Variants in DDX1 observed in about 807,000 individuals in gnomAD.
DDX1 encodes ATP-dependent RNA helicase DDX1.
A neutral mutation model predicts 108.7 loss-of-function variants in DDX1; 28 were observed. The ratio of observed to expected loss-of-function variants is 0.26; its 90% CI spans 0.19 to 0.35. The LOEUF is 0.35. Ranked by LOEUF, DDX1 falls within the 10% of genes least tolerant of loss-of-function variation. DDX1 has a pLI of 1.00. For synonymous variants in DDX1, 295 were observed against 288.9 expected, an observed-to-expected ratio of 1.02 and a Z score of -0.21; for missense variants, 710 against 884.5, an observed-to-expected ratio of 0.80 and a Z score of 2.50.
intron 19 of DDX1, among the ~76,000 whole-genome samples, chr2:15,624,353 T>C (rs893636198): frequency 2.0e-5 from 3 of 152,186 alleles, no homozygotes; most frequent in African/African-American, 7.2e-5. Flanking sequence ...ATGCTTCTTA[T>C]AACTTCGAGA....
In DDX1 at chr2:15,600,740, C is replaced by CT. The variant is rs1157559293; in HGVS notation, c.307+1050dup. 5.9e-3 allele frequency among the ~76,000 whole-genome samples: 435 copies of CT among 73,552 alleles called. 28 individuals carry two copies. Among genetic ancestry groups the CT allele is most frequent in the Admixed American group, 5.5e-3 (29 of 5,228 alleles). 48.3% of individuals were successfully genotyped at this position (73,552 alleles called of 152,430 possible). ...ATACTTTTTTTCTTATTTGCATTTTCTTTTTTTTTTTTTTTTTTTTTTTTT... is the reference window on the plus strand; with the variant it reads ...ATACTTTTTTTCTTATTTGCATTTTCTTTTTTTTTTTTTTTTTTTTTTTTTT... On this transcript the variant is annotated intron_variant, in intron 6 of 25. Coordinates refer to ENST00000233084, the MANE Select transcript of DDX1 (RefSeq NM_004939.3).
At position 15,627,465 on chromosome 2, in the gene DDX1, G is replaced by C. The variant is rs201784285; in HGVS notation, c.1686+320G>C. 2.6e-4 allele frequency: 54 copies of C among 206,834 alleles called. No homozygotes were observed. In the East Asian group the frequency reaches 5.5e-3, roughly 21 times the overall value. 12.8% of individuals were successfully genotyped at this position (206,834 alleles called of 1,614,324 possible). On this transcript the variant is annotated intron_variant, in intron 20 of 25. Transcript: ENST00000233084. The stretch of plus-strand genomic sequence containing the variant: ...GCCATGTCTATGTGCCTTAAAAACA[G>C]TCTCCAGCAATAGCCATAAGGAACT...
chr2:15,596,814 A>AACTTTGAACAGTAGTTTTT (rs1489612417), intron 4 of DDX1, 51 bp downstream of exon 4: 1 of 1,383,880 alleles, frequency 7.2e-7, no homozygotes, highest in South Asian at 1.2e-5. Context: ...ATTTTAAAAT[A>AACTTTGAACAGTAGTTTTT]ACTTTGAACA....
intron 12 of DDX1, 124 bp from the exon 13 acceptor site, chr2:15,607,051 C>A: frequency 1.1e-6 from 1 of 946,074 alleles, no homozygotes; most frequent in South Asian, 1.8e-5. Flanking sequence ...GTTTGACTGT[C>A]TTCTCTACTT....
chr2:15,619,816 G>A (rs910164690), intron 16 of DDX1, among the ~76,000 whole-genome samples: 16 of 152,228 alleles, frequency 1.1e-4, no homozygotes, highest in East Asian at 7.7e-4. Context: ...TTGCCTGTTC[G>A]AAGGAAAAAT....
chr2:15,625,889 AAC>A (rs1308233491), intron 19 of DDX1, among the ~76,000 whole-genome samples: 1 of 141,660 alleles, frequency 7.1e-6, no homozygotes, highest in Non-Finnish European at 1.5e-5. Flanking sequence ...GTGCTTAAGT[AAC>A]ACATTTTTTT....
chr2:15,617,199 C>A, intron 14 of DDX1, 45 bp from the exon 15 acceptor site: 2 of 989,652 alleles, frequency 2.0e-6, no homozygotes, highest in South Asian at 1.7e-5. Flanking sequence ...CGTAATTATA[C>A]TGTTTCTTTA....
At chr2:15,628,610 A>G in intron 21 of DDX1, 28 bp from the exon 22 acceptor site, 2 of 1,599,918 alleles carry the variant, frequency 1.3e-6, no homozygotes, top group Non-Finnish European at 1.7e-6. Context: ...AACTACTGGC[A>G]ATTGTTAATA....
intron 6 of DDX1, among the ~76,000 whole-genome samples, chr2:15,601,334 C>T (rs758611399): frequency 2.0e-5 from 3 of 152,072 alleles, no homozygotes; most frequent in African/African-American, 7.2e-5. Flanking sequence ...ATTCTGACAC[C>T]GTCTTCATGA....
At position 15,606,215 on chromosome 2, in the gene DDX1, T is replaced by C; in HGVS notation, c.768T>C (p.Val256=). The C allele has an allele frequency of 1.9e-6, 3 of 1,614,164 alleles. No individual in the cohort carries two copies. The highest frequency in any genetic ancestry group is 2.5e-6 in the Non-Finnish European group (3 of 1,179,998). The change falls in exon 12 of 26, where the codon GTT becomes GTC. Residue 256 remains valine, a synonymous_variant. Coordinates refer to ENST00000233084, the MANE Select transcript of DDX1 (RefSeq NM_004939.3). ...AGTTTCCACCAAAAGATGGCTTTGT[T>C]GCTCTTTCCAAGGCACCGGATGGTT... is the stretch of plus-strand genomic sequence containing the variant. The part of the protein sequence containing the change: ...EFKFPPKDGF[V]ALSKAPDGYI...
chr2:15,597,543 G>C (rs1665522078), intron 5 of DDX1, 72 bp downstream of exon 5: 2 of 1,014,140 alleles, frequency 2.0e-6, no homozygotes, highest in Non-Finnish European at 3.0e-6. Flanking sequence ...AGGAAAGTGA[G>C]ATTTGGGTAT....
At chr2:15,593,429 C>T (rs1359253382) in intron 1 of DDX1, among the ~76,000 whole-genome samples, 2 of 152,096 alleles carry the variant, frequency 1.3e-5, no homozygotes. Context: ...TGAAATAAGA[C>T]AAAACTGGAA....
rs755850399 is a variant in DDX1, at chr2:15,595,529, C to T, written c.108C>T (p.Ile36=). The stretch of plus-strand genomic sequence containing the variant: ...TCCAGGCTGAATCTATCCCATTGAT[C>T]TTAGGAGGAGGTGATGTACTTATGG... ...TDIQAESIPL[I]LGGGDVLMAA... is the part of the protein sequence containing the mutation. Residue 36 remains isoleucine (I), a synonymous_variant, in exon 3 of 26, where the codon ATC becomes ATT. Coordinates refer to ENST00000233084, the MANE Select transcript of DDX1 (RefSeq NM_004939.3). 4 of 1,609,866 alleles carry T rather than the reference C, an allele frequency of 2.5e-6. No homozygotes were observed. The highest frequency in any genetic ancestry group is 3.4e-6 in the Non-Finnish European group (4 of 1,176,336).
intron 2 of DDX1, 24 bp from the exon 3 acceptor site, chr2:15,595,466 A>T (rs376126666): frequency 1.0e-5 from 16 of 1,596,444 alleles, no homozygotes; most frequent in African/African-American, 8.0e-5. Flanking sequence ...AGTAACTAAA[A>T]TTCTTCAAAT....
In DDX1 at chr2:15,629,614, G is replaced by A. The variant is rs1225975665; in HGVS notation, c.1888G>A (p.Val630Ile). 6.3e-7 allele frequency: 1 copy of A among 1,594,370 alleles called. No individual in the cohort carries two copies. Among genetic ancestry groups the A allele is most frequent in the Non-Finnish European group, 8.5e-7 (1 of 1,173,654 alleles). Residue 630 changes from valine (V) to isoleucine (I), a missense_variant, in exon 24 of 26, where the codon GTA becomes ATA. By Grantham distance (29) the Val-to-Ile change is conservative (BLOSUM62 3). Around this residue, in one of 3 missense-constraint regions of DDX1, gnomAD observed 661 missense variants for 810.2 expected, o/e 0.82. Coordinates refer to ENST00000233084, the MANE Select transcript of DDX1 (RefSeq NM_004939.3). ...ATEKEKVWYH[V>I]CSSRGKGCYN... ...TTTTTAAATTTAGGTTTGGTACCAT[G>A]TATGTAGCAGCCGTGGAAAAGGGTG...
Position 15,631,046 on chromosome 2 carries a change from GTCTTAGGAAT to G in DDX1, c.*145_*154del, listed in dbSNP as rs1358963683. 3 of 711,040 alleles carry G rather than the reference GTCTTAGGAAT, an allele frequency of 4.2e-6. No homozygotes were observed. Among genetic ancestry groups the G allele is most frequent in the Non-Finnish European group, 2.1e-6 (1 of 478,380 alleles). The allele number at this position is 711,040 out of a possible 1,614,324, so 44.0% of individuals were successfully genotyped here. ...AACTCTTGCATGTCAAGAAACATTA[GTCTTAGGAAT>G]TCTTCAAAAAATGGCATCCCAATGA... On this transcript the variant is annotated 3_prime_UTR_variant, in exon 26 of 26. Coordinates refer to ENST00000233084, the MANE Select transcript of DDX1 (RefSeq NM_004939.3).
intron 17 of DDX1, 52 bp from the exon 18 acceptor site, chr2:15,621,013 A>G (rs1665995674): frequency 8.9e-7 from 1 of 1,124,162 alleles, no homozygotes; most frequent in African/African-American, 1.6e-5. Flanking sequence ...ATATATTCTG[A>G]ATCATTATTT....
chr2:15,620,720 T>G (rs954497464), intron 17 of DDX1, among the ~76,000 whole-genome samples: 1 of 152,194 alleles, frequency 6.6e-6, no homozygotes, highest in Non-Finnish European at 1.5e-5. Flanking sequence ...GTCCTCTTGA[T>G]GTACTTTGTT....
At chr2:15,603,133 C>A in intron 7 of DDX1, 59 bp from the exon 8 acceptor site, 1 of 1,171,216 alleles carries the variant, frequency 8.5e-7, no homozygotes, top group Non-Finnish European at 1.3e-6. Context: ...AAGATGACTT[C>A]ATGGTAAATG....
Sources: allele counts gnomAD v4.1 joint callset (sites outside exome capture counted in the v4.1 genomes callset), GRCh38; gene constraint gnomAD v4.1.1; regional missense constraint gnomAD v4.1.1; transcripts MANE v1.5; gene names NCBI Gene and HGNC (gene_info 2026-07-23, HGNC 2026-07-21).